The following PAPPA variants were observed in gnomAD, a reference collection of about 807,000 sequenced individuals.
The protein encoded by PAPPA is pappalysin-1.
A neutral mutation model predicts 164.0 loss-of-function variants in PAPPA; 60 were observed. That is an observed-to-expected ratio of 0.37 (90% CI 0.30 to 0.45). The LOEUF (loss-of-function observed/expected upper bound fraction) is 0.45. Ranked by LOEUF, PAPPA falls within the 20% of genes least tolerant of loss-of-function variation. The probability of loss-of-function intolerance (pLI) is 1.00; values close to 1 mark genes in which losing one functional copy is unlikely to be tolerated. For missense variants in PAPPA, 1,782 were observed against 2,087.3 expected (o/e 0.85, Z 2.85); for synonymous variants, 875 against 814.1 (o/e 1.07, Z -1.27).
At position 116,399,789 on chromosome 9, in the gene PAPPA, T is replaced by C. The variant is rs987226804; in HGVS notation, c.*3173T>C. 1 of 152,498 alleles carries C rather than the reference T, an allele frequency of 6.6e-6. No homozygotes were observed. Among genetic ancestry groups the C allele is most frequent in the Non-Finnish European group, 1.5e-5 (1 of 68,020 alleles). The allele number at this position is 152,498 out of a possible 1,614,324, so 9.4% of individuals were successfully genotyped here. ...ATTGGGGTGTTAAGGAAGGGAAAGA[T>C]TGTCATAGATGGTAGGGCTTTGAAA... On this transcript the variant is annotated 3_prime_UTR_variant, in exon 22 of 22. Transcript: ENST00000328252.
At chr9:116,357,907 T>A (rs1323437) in intron 17 of PAPPA, among the ~76,000 whole-genome samples, 145,113 of 152,208 alleles carry the variant, frequency 0.95, 69,596 homozygotes, top group East Asian at 1. Flanking sequence ...GGTGGAATCT[T>A]CAACACACCC....
At chr9:116,289,371 A>ATATG (rs1450959417) in intron 9 of PAPPA, among the ~76,000 whole-genome samples, 1 of 146,128 alleles carries the variant, frequency 6.8e-6, no homozygotes, top group African/African-American at 2.5e-5. Context: ...TATATATGGC[A>ATATG]TATATATAGC....
intron 12 of PAPPA, chr9:116,332,852 G>A: frequency 5.8e-6 from 1 of 172,124 alleles, no homozygotes; most frequent in Non-Finnish European, 1.2e-5. Flanking sequence ...GGCAGGTCAG[G>A]AATTACTAGT....
chr9:116,215,336 CTGT>C (rs1234344468), intron 4 of PAPPA, among the ~76,000 whole-genome samples: 1 of 152,138 alleles, frequency 6.6e-6, no homozygotes, highest in African/African-American at 2.4e-5. Flanking sequence ...GCACTTAGAA[CTGT>C]TGTTGTTCTA....
At chr9:116,309,155 A>G (rs1416825585) in intron 10 of PAPPA, among the ~76,000 whole-genome samples, 2 of 151,300 alleles carry the variant, frequency 1.3e-5, no homozygotes, top group African/African-American at 4.9e-5. Context: ...GGCTCACTGC[A>G]GCCTCCACCT....
chr9:116,315,256 T>C (rs1015219379), intron 10 of PAPPA, among the ~76,000 whole-genome samples: 9 of 152,124 alleles, frequency 5.9e-5, no homozygotes, highest in Non-Finnish European at 1.0e-4. Flanking sequence ...ACTGTGTGAA[T>C]TGGGGGAGGA....
At chr9:116,160,554 C>T (rs927826194) in intron 1 of PAPPA, among the ~76,000 whole-genome samples, 16 of 152,330 alleles carry the variant, frequency 1.1e-4, no homozygotes, top group African/African-American at 3.6e-4. Flanking sequence ...CTGAAACCAG[C>T]ACTGGCTGCA....
At chr9:116,300,509 A>C (rs1437079267) in intron 9 of PAPPA, among the ~76,000 whole-genome samples, 1 of 152,082 alleles carries the variant, frequency 6.6e-6, no homozygotes, top group East Asian at 1.9e-4. Flanking sequence ...TTGCTCAAGC[A>C]ATCTGCCTGC....
At chr9:116,303,229 G>A (rs889975507) in intron 10 of PAPPA, among the ~76,000 whole-genome samples, 8 of 152,174 alleles carry the variant, frequency 5.3e-5, no homozygotes, top group African/African-American at 1.9e-4. Flanking sequence ...CATATATCAT[G>A]TATTTCAATG....
intron 10 of PAPPA, among the ~76,000 whole-genome samples, chr9:116,312,352 G>A (rs1347361235): frequency 1.3e-5 from 2 of 148,644 alleles, no homozygotes; most frequent in Non-Finnish European, 3.0e-5. Flanking sequence ...AGCCAGCATG[G>A]CCTTTGCTGT....
chr9:116,368,082 C>T (rs1321281974), intron 19 of PAPPA, among the ~76,000 whole-genome samples: 2 of 152,178 alleles, frequency 1.3e-5, no homozygotes, highest in African/African-American at 4.8e-5. Context: ...GAGCATAGAG[C>T]CAGGTTTCAG....
chr9:116,192,802 C>T (rs1436419400), intron 2 of PAPPA, among the ~76,000 whole-genome samples: 2 of 152,218 alleles, frequency 1.3e-5, no homozygotes, highest in African/African-American at 2.4e-5. Context: ...AGGTAGAATG[C>T]ACTTCACACA....
chr9:116,279,288 G>C (rs1011809260), intron 9 of PAPPA, among the ~76,000 whole-genome samples: 2 of 152,112 alleles, frequency 1.3e-5, no homozygotes, highest in African/African-American at 4.8e-5. Context: ...AAAAGGAGGC[G>C]ATGGGGCGGA....
chr9:116,331,488 A>C, intron 11 of PAPPA, 131 bp downstream of exon 11: 1 of 624,412 alleles, frequency 1.6e-6, no homozygotes, highest in Non-Finnish European at 2.9e-6. Context: ...GGAACAAAAC[A>C]CTTAGCAGTG....
chr9:116,208,058 G>A (rs1263813350), intron 3 of PAPPA, among the ~76,000 whole-genome samples: 1 of 152,198 alleles, frequency 6.6e-6, no homozygotes. Context: ...GCAAGAAAAA[G>A]TGAGTTTGCA....
chr9:116,291,767 A>G (rs1024945189), intron 9 of PAPPA, among the ~76,000 whole-genome samples: 1 of 152,012 alleles, frequency 6.6e-6, no homozygotes, highest in Non-Finnish European at 1.5e-5. Context: ...TGCTTCTATT[A>G]AACTTGTGTT....
At chr9:116,262,070 G>T (rs761458943) in intron 7 of PAPPA, among the ~76,000 whole-genome samples, 67 of 151,932 alleles carry the variant, frequency 4.4e-4, no homozygotes, top group Admixed American at 1.2e-3. Flanking sequence ...TTAAAAATTA[G>T]CCACTGTGGT....
At chr9:116,177,755 C>CCCAA (rs756110577) in intron 1 of PAPPA, among the ~76,000 whole-genome samples, 1 of 152,154 alleles carries the variant, frequency 6.6e-6, no homozygotes, top group African/African-American at 2.4e-5. Flanking sequence ...CCAAGACAGC[C>CCCAA]CCAACATCAG....
intron 2 of PAPPA, among the ~76,000 whole-genome samples, chr9:116,195,945 C>T (rs747302056): frequency 1.1e-4 from 17 of 152,020 alleles, no homozygotes; most frequent in Non-Finnish European, 1.9e-4. Flanking sequence ...TATTGATTAT[C>T]CCAAGAGATA....
Sources: allele counts gnomAD v4.1 joint callset (sites outside exome capture counted in the v4.1 genomes callset), GRCh38; gene constraint gnomAD v4.1.1; transcripts MANE v1.5; gene names NCBI Gene and HGNC (gene_info 2026-07-23, HGNC 2026-07-21).